ETS2: variants seen among roughly 807,000 people sequenced by gnomAD.
ETS2 encodes ETS proto-oncogene 2, transcription factor, also known as protein C-ets-2.
A neutral mutation model predicts 54.9 loss-of-function variants in ETS2; 19 were observed. That is an observed-to-expected ratio of 0.35 (90% confidence interval 0.24 to 0.51). The LOEUF is 0.51. ETS2 is among the 20% of genes least tolerant of loss of function. The pLI, the probability that ETS2 is intolerant of heterozygous loss-of-function variation, is 0.97. For missense variants in ETS2, 417 were observed against 593.0 expected, an observed-to-expected ratio of 0.70 and a Z score of 3.08; for synonymous variants, 219 against 229.3, an observed-to-expected ratio of 0.95 and a Z score of 0.41.
chr21:38,821,477 G>A lies in ETS2; in HGVS notation c.1076-109G>A, dbSNP rs2060957802. 1 of 812,262 alleles carries A rather than the reference G, an allele frequency of 1.2e-6. No individual in the cohort carries two copies. Among genetic ancestry groups the A allele is most frequent in the South Asian group, 1.5e-5 (1 of 66,156 alleles). 50.3% of individuals were successfully genotyped at this position (812,262 alleles called of 1,614,324 possible). On this transcript the variant is annotated intron_variant, in intron 8 of 9. Transcript: ENST00000360938. This position sits in a 1 kb window ranked among gnomAD's most constrained non-coding sequence, Gnocchi z 4.2. ...GTGTAACATCGGAACCCCATTCAGAGAGTTGGGTCTGCATTCCTAAATCAG... is the reference window on the plus strand; with the variant it reads ...GTGTAACATCGGAACCCCATTCAGAAAGTTGGGTCTGCATTCCTAAATCAG...
chr21:38,817,515 G>C (rs908700563), intron 6 of ETS2, among the ~76,000 whole-genome samples: 2 of 152,224 alleles, frequency 1.3e-5, no homozygotes, highest in African/African-American at 4.8e-5. Context: ...GTTAGTGCTA[G>C]TCCAGGCAAT....
Position 38,819,483 on chromosome 21 carries a change from T to G in ETS2, c.812-20T>G. The G allele has an allele frequency of 6.2e-7, 1 of 1,612,312 alleles. No individual in the cohort carries two copies. Among genetic ancestry groups the G allele is most frequent in the South Asian group, 1.1e-5 (1 of 91,064 alleles). ...TGTGTCCTGGAGGAATCAAAGTATG[T>G]GTTTGGTTGTCTTTGCCAGGGACTC... On this transcript the variant is annotated intron_variant, in intron 7 of 9. Coordinates refer to ENST00000360938, the MANE Select transcript of ETS2 (RefSeq NM_005239.6).
intron 1 of ETS2, 166 bp from the exon 2 acceptor site, chr21:38,809,869 T>C (rs1251557091): frequency 5.4e-6 from 3 of 560,464 alleles, no homozygotes; most frequent in Non-Finnish European, 9.4e-6. Flanking sequence ...TGCTTTCCTC[T>C]TGAGACCTTT....
At position 38,814,008 on chromosome 21, in the gene ETS2, C is replaced by T. The variant is rs944480527; in HGVS notation, c.185-265C>T. Among the ~76,000 whole-genome samples the T allele has an allele frequency of 2.6e-5, 4 of 152,306 alleles. No homozygotes were observed. The highest frequency in any genetic ancestry group is 2.1e-4 in the South Asian group (1 of 4,826). Reference sequence around the variant, plus strand: ...AAAATAGACTTAGCAGTTTTCCCTACGCACAACTGCTTTGTGACGCTTTGC... The same window carrying T: ...AAAATAGACTTAGCAGTTTTCCCTATGCACAACTGCTTTGTGACGCTTTGC... On this transcript the variant is annotated intron_variant, in intron 3 of 9. Transcript: ENST00000360938. This position sits in a 1 kb window ranked among gnomAD's most constrained non-coding sequence, Gnocchi z 4.2.
In ETS2 at chr21:38,819,596, T is replaced by C; in HGVS notation, c.905T>C (p.Leu302Ser). ...LLQSWNSQSS[L>S]LDVQRVPSFE... Reference sequence around the variant, plus strand: ...CAGTCCTGGAACAGCCAGTCGTCCTTGCTGGATGTGCAACGGGTTCCTTCC... The same window carrying C: ...CAGTCCTGGAACAGCCAGTCGTCCTCGCTGGATGTGCAACGGGTTCCTTCC... The change falls in exon 8 of 10, where the codon TTG becomes TCG. Residue 302 changes from leucine to serine, a missense_variant. Leu to Ser is a moderately radical substitution (Grantham distance 145). Coordinates refer to ENST00000360938, the MANE Select transcript of ETS2 (RefSeq NM_005239.6). The C allele has an allele frequency of 1.9e-6, 3 of 1,614,182 alleles. No individual in the cohort carries two copies. Among genetic ancestry groups the C allele is most frequent in the Non-Finnish European group, 2.5e-6 (3 of 1,180,016 alleles).
rs1195227147 is a variant in ETS2, at chr21:38,806,356, G to T, written c.-1+236G>T. Reference sequence around the variant, plus strand: ...CGGGGCTGGCGGGGTCGGCCGGGGGGTTCCTGCGTGCTAGGGCCGCTGTCT... The same window carrying T: ...CGGGGCTGGCGGGGTCGGCCGGGGGTTTCCTGCGTGCTAGGGCCGCTGTCT... On this transcript the variant is annotated intron_variant, in intron 1 of 9. Transcript: ENST00000360938. This position sits in a 1 kb window ranked among gnomAD's most constrained non-coding sequence, Gnocchi z 4.3. 4.1e-6 allele frequency: 4 copies of T among 980,332 alleles called. No homozygotes were observed. The highest frequency in any genetic ancestry group is 1.1e-4 in the East Asian group (1 of 8,778). 60.7% of individuals were successfully genotyped at this position (980,332 alleles called of 1,614,324 possible).
At position 38,810,118 on chromosome 21, in the gene ETS2, A is replaced by G; in HGVS notation, c.72+12A>G. 6.7e-7 allele frequency: 1 copy of G among 1,495,892 alleles called. No individual in the cohort carries two copies. The highest frequency in any genetic ancestry group is 8.9e-7 in the Non-Finnish European group (1 of 1,121,918). 92.7% of individuals were successfully genotyped at this position (1,495,892 alleles called of 1,614,324 possible). A position where few individuals can be genotyped will look rare whatever the true frequency, so the allele number is the denominator to read the frequency against. ...GAGGGACACTCAAGGTGAGTGGGCA[A>G]GTCTTAATTTTTTTTTTTAATTGGA... On this transcript the variant is annotated intron_variant, in intron 2 of 9. Transcript: ENST00000360938.
chr21:38,811,690 G>C (rs1230070737), intron 2 of ETS2, among the ~76,000 whole-genome samples: 6 of 152,172 alleles, frequency 3.9e-5, no homozygotes, highest in Non-Finnish European at 8.8e-5. Context: ...TTTCATAAAT[G>C]TTATGTAAGA....
intron 5 of ETS2, among the ~76,000 whole-genome samples, chr21:38,815,953 A>G (rs1322148940): frequency 0.091 from 2 of 22 alleles, no homozygotes; most frequent in African/African-American, 0.33. Context: ...GAAGGAAGGA[A>G]GGAAGGAAGG....
chr21:38,819,905 G>T (rs1000736579), intron 8 of ETS2, 139 bp downstream of exon 8: 5 of 804,512 alleles, frequency 6.2e-6, no homozygotes, highest in Non-Finnish European at 9.6e-6. Context: ...TGTTTTATGC[G>T]TGGCTTGCTG....
upstream of ETS2, chr21:38,805,574 C>T (rs558207037): frequency 7.8e-7 from 1 of 1,277,960 alleles, no homozygotes; most frequent in Non-Finnish European, 1.0e-6. This position sits in a 1 kb window ranked among gnomAD's most constrained non-coding sequence, Gnocchi z 5.2. Flanking sequence ...CAGGGCCAGC[C>T]GGCGAGGGAC....
intron 2 of ETS2, among the ~76,000 whole-genome samples, chr21:38,810,960 C>T (rs956719809): frequency 3.8e-4 from 58 of 152,172 alleles, no homozygotes; most frequent in Non-Finnish European, 8.8e-5. Flanking sequence ...CAAACTTCAG[C>T]CTAGTGAGTC....
At chr21:38,809,063 A>G (rs2060904407) in intron 1 of ETS2, among the ~76,000 whole-genome samples, 1 of 152,274 alleles carries the variant, frequency 6.6e-6, no homozygotes, top group African/African-American at 2.4e-5. Flanking sequence ...GTCATTGTCC[A>G]ATTACAAGCC....
In ETS2 at chr21:38,810,097, G is replaced by A; in HGVS notation, c.63G>A (p.Gly21=). Reference sequence around the variant, plus strand: ...CCCCTGTGGCTAACAGTTACAGAGGGACACTCAAGGTGAGTGGGCAAGTCT... The same window carrying A: ...CCCCTGTGGCTAACAGTTACAGAGGAACACTCAAGGTGAGTGGGCAAGTCT... ...QVAPVANSYR[G]TLKRQPAFDT... Residue 21 remains glycine (G), a synonymous_variant, in exon 2 of 10, where the codon GGG becomes GGA. Coordinates refer to ENST00000360938, the MANE Select transcript of ETS2 (RefSeq NM_005239.6). 6.5e-7 allele frequency: 1 copy of A among 1,541,982 alleles called. No homozygotes were observed. The highest frequency in any genetic ancestry group is 8.7e-7 in the Non-Finnish European group (1 of 1,150,782).
At chr21:38,809,982 G>C in intron 1 of ETS2, 53 bp from the exon 2 acceptor site, 1 of 1,209,184 alleles carries the variant, frequency 8.3e-7, no homozygotes, top group Non-Finnish European at 1.2e-6. Context: ...CCAATGATGA[G>C]TTTAGTGTAC....
intron 8 of ETS2, 22 bp downstream of exon 8, chr21:38,819,788 C>G (rs1276524161): frequency 1.9e-6 from 3 of 1,601,820 alleles, no homozygotes; most frequent in African/African-American, 2.7e-5. Context: ...ACTCCGAGAG[C>G]CTGGCCGCCC....
chr21:38,805,758 C>G (rs2060889368), upstream of ETS2: 5 of 822,332 alleles, frequency 6.1e-6, no homozygotes, highest in South Asian at 9.0e-5. This position sits in a 1 kb window ranked among gnomAD's most constrained non-coding sequence, Gnocchi z 5.2. Flanking sequence ...CCGCTTCTCC[C>G]CATCCTGCCT....
At position 38,806,046 on chromosome 21, in the gene ETS2, G is replaced by A. The variant is rs1270789066; in HGVS notation, c.-75G>A. On this transcript the variant is annotated 5_prime_UTR_variant, in exon 1 of 10. Transcript: ENST00000360938. This position sits in a 1 kb window ranked among gnomAD's most constrained non-coding sequence, Gnocchi z 4.3. ...CTGGCCGGCGCCCTCGCCCTCGCCC[G>A]GCGCGCACCGAGCAGCCGCGGGCGC... is the stretch of plus-strand genomic sequence containing the variant. 2.5e-6 allele frequency: 3 copies of A among 1,208,976 alleles called. No individual in the cohort carries two copies. Among genetic ancestry groups the A allele is most frequent in the Non-Finnish European group, 3.1e-6 (3 of 954,048 alleles). 74.9% of individuals were successfully genotyped at this position (1,208,976 alleles called of 1,614,324 possible). A position where few individuals can be genotyped will look rare whatever the true frequency, so the allele number is the denominator to read the frequency against.
chr21:38,809,897 A>G (rs1288330594), intron 1 of ETS2, 138 bp from the exon 2 acceptor site: 1 of 599,792 alleles, frequency 1.7e-6, no homozygotes, highest in African/African-American at 2.0e-5. Flanking sequence ...CAGCCATTTA[A>G]ACAAGAATTC....
Sources: gnomAD v4.1 joint callset for allele counts (sites outside exome capture counted in the v4.1 genomes callset) on GRCh38, gnomAD v4.1.1 for gene constraint, Gnocchi (gnomAD v3.1) non-coding constraint, MANE v1.5 for transcripts, NCBI Gene and HGNC (gene_info 2026-07-23, HGNC 2026-07-21) for gene names.